PTPRJ: variants seen among roughly 807,000 people sequenced by gnomAD.
The protein encoded by PTPRJ is receptor-type tyrosine-protein phosphatase eta.
In PTPRJ, 129 loss-of-function variants were observed where a neutral mutation model predicts 141.3. The ratio of observed to expected loss-of-function variants is 0.91; its 90% CI spans 0.79 to 1.06. The LOEUF (loss-of-function observed/expected upper bound fraction) is 1.06, where lower values mean the gene tolerates loss of function less well. PTPRJ is among the 50% of genes least tolerant of loss of function. PTPRJ has a pLI of 0.00. For missense variants in PTPRJ, 1,601 were observed against 1,679.7 expected (o/e 0.95, Z 0.82); for synonymous variants, 610 against 640.5 (o/e 0.95, Z 0.72).
At chr11:48,093,951 C>G (rs1855937469) in intron 1 of PTPRJ, among the ~76,000 whole-genome samples, 2 of 152,196 alleles carry the variant, frequency 1.3e-5, no homozygotes, top group Non-Finnish European at 2.9e-5. Context: ...TTGGAGAAAG[C>G]CCAGCATTAA....
At chr11:48,086,854 TCA>T (rs1855728060) in intron 1 of PTPRJ, among the ~76,000 whole-genome samples, 1 of 152,198 alleles carries the variant, frequency 6.6e-6, no homozygotes, top group South Asian at 2.1e-4. Flanking sequence ...TGAAATATGT[TCA>T]GTCTGTTTTT....
chr11:48,060,509 C>T (rs1590453186), intron 1 of PTPRJ, among the ~76,000 whole-genome samples: 2 of 152,194 alleles, frequency 1.3e-5, no homozygotes, highest in South Asian at 2.1e-4. Flanking sequence ...TCTACCCACA[C>T]GCACAGTTGG....
chr11:48,053,674 T>C (rs1854669642), intron 1 of PTPRJ, among the ~76,000 whole-genome samples: 1 of 148,232 alleles, frequency 6.7e-6, no homozygotes, highest in African/African-American at 2.5e-5. Flanking sequence ...CCTCCCAGGT[T>C]CAAGCGCTTC....
At chr11:48,015,239 C>T (rs1177317049) in intron 1 of PTPRJ, among the ~76,000 whole-genome samples, 1 of 151,884 alleles carries the variant, frequency 6.6e-6, no homozygotes, top group Non-Finnish European at 1.5e-5. Context: ...CTGAATCAGG[C>T]CGGGAAAGAG....
intron 1 of PTPRJ, among the ~76,000 whole-genome samples, chr11:48,000,813 A>G (rs2134189638): frequency 6.6e-6 from 1 of 151,900 alleles, no homozygotes; most frequent in South Asian, 2.1e-4. Flanking sequence ...CTCTTGGATT[A>G]TGAGTTCAGG....
chr11:48,166,065 A>T (rs939403714), intron 24 of PTPRJ, among the ~76,000 whole-genome samples: 1 of 151,268 alleles, frequency 6.6e-6, no homozygotes, highest in South Asian at 2.1e-4. Flanking sequence ...GGGTTTCACC[A>T]TGTTGGCCAG....
At chr11:48,000,587 C>T (rs368235841) in intron 1 of PTPRJ, among the ~76,000 whole-genome samples, 6 of 152,204 alleles carry the variant, frequency 3.9e-5, no homozygotes, top group Middle Eastern at 3.4e-3. Context: ...TCCCTCCCCT[C>T]CACCCTCCGA....
Position 47,980,600 on chromosome 11 carries a change from C to G in PTPRJ, c.-313C>G, listed in dbSNP as rs2135452263. The G allele has an allele frequency of 1.0e-6, 1 of 983,312 alleles. No individual in the cohort carries two copies. The highest frequency in any genetic ancestry group is 6.2e-5 in the Admixed American group (1 of 16,072). 60.9% of individuals were successfully genotyped at this position (983,312 alleles called of 1,614,324 possible). A position where few individuals can be genotyped will look rare whatever the true frequency, so the allele number is the denominator to read the frequency against. The stretch of plus-strand genomic sequence containing the variant: ...CGCGCGGAGGAGGCAGCGGGAGCAG[C>G]CGCGGGAGCCGGGACCGGGTAGCCG... On this transcript the variant is annotated 5_prime_UTR_variant, in exon 1 of 25. Coordinates refer to ENST00000418331, the MANE Select transcript of PTPRJ (RefSeq NM_002843.4).
Position 48,139,721 on chromosome 11 carries a change from G to A in PTPRJ, c.2388G>A (p.Val796=). Residue 796 remains valine, a synonymous_variant, in exon 11 of 25, where the codon GTG becomes GTA. Coordinates refer to ENST00000418331, the MANE Select transcript of PTPRJ (RefSeq NM_002843.4). ...CGTACAACATCAGCATCACCACTGTGTCCTGTGGAAAGATGGCAGCCCCCA... is the reference window on the plus strand; with the variant it reads ...CGTACAACATCAGCATCACCACTGTATCCTGTGGAAAGATGGCAGCCCCCA... The part of the protein sequence containing the change: ...STSYNISITT[V]SCGKMAAPTR... 1.9e-6 allele frequency: 3 copies of A among 1,614,162 alleles called. No individual in the cohort carries two copies. Among genetic ancestry groups the A allele is most frequent in the Non-Finnish European group, 2.5e-6 (3 of 1,180,026 alleles).
chr11:48,145,180 C>T, intron 14 of PTPRJ, 56 bp downstream of exon 14: 1 of 1,607,714 alleles, frequency 6.2e-7, no homozygotes, highest in Non-Finnish European at 8.5e-7. Flanking sequence ...CTCCACGTGT[C>T]CATAGAAGGC....
chr11:48,116,153 C>T (rs1856562126), intron 3 of PTPRJ, among the ~76,000 whole-genome samples: 1 of 151,562 alleles, frequency 6.6e-6, no homozygotes, highest in South Asian at 2.1e-4. Context: ...AAACCGATCT[C>T]AATAGTATGC....
chr11:48,030,055 T>G (rs1853938154), intron 1 of PTPRJ, among the ~76,000 whole-genome samples: 1 of 152,218 alleles, frequency 6.6e-6, no homozygotes, highest in Non-Finnish European at 1.5e-5. Context: ...GTGATAGAGA[T>G]AGTATAAGAA....
At chr11:48,078,026 T>C (rs996062191) in intron 1 of PTPRJ, among the ~76,000 whole-genome samples, 10 of 151,936 alleles carry the variant, frequency 6.6e-5, no homozygotes, top group Non-Finnish European at 4.4e-5. Flanking sequence ...CTGGGACAAA[T>C]AGCTAAAGAT....
chr11:48,087,600 C>T (rs929076406), intron 1 of PTPRJ, among the ~76,000 whole-genome samples: 1 of 152,152 alleles, frequency 6.6e-6, no homozygotes, highest in African/African-American at 2.4e-5. Context: ...TCAGAGAAGA[C>T]ATGTGAGTTG....
chr11:48,159,888 G>T (rs372697015), intron 21 of PTPRJ, 42 bp from the exon 22 acceptor site: 26 of 1,609,444 alleles, frequency 1.6e-5, no homozygotes, highest in Non-Finnish European at 2.0e-5. Flanking sequence ...ATGGCAGATG[G>T]CATGATCTGA....
chr11:48,046,908 ATATATTTTTTTTTT>A (rs1178027479), intron 1 of PTPRJ, among the ~76,000 whole-genome samples: 1 of 85,910 alleles, frequency 1.2e-5, no homozygotes, highest in East Asian at 2.7e-4. Flanking sequence ...ATATATATAT[ATATATTTTTTTTTT>A]TTTTTTTTTT....
At chr11:48,060,826 C>T (rs558195468) in intron 1 of PTPRJ, among the ~76,000 whole-genome samples, 10 of 152,296 alleles carry the variant, frequency 6.6e-5, no homozygotes, top group African/African-American at 1.9e-4. Flanking sequence ...TCTGAAGGGG[C>T]TGAGATTTGT....
At chr11:48,103,004 T>C (rs528051449) in intron 1 of PTPRJ, among the ~76,000 whole-genome samples, 3 of 152,272 alleles carry the variant, frequency 2.0e-5, no homozygotes, top group African/African-American at 7.2e-5. Context: ...TGCTAGACCA[T>C]TCTGGGACTT....
Position 48,160,001 on chromosome 11 carries a change from A to G in PTPRJ, c.3510A>G (p.Ser1170=). 4.3e-6 allele frequency: 7 copies of G among 1,614,038 alleles called. No homozygotes were observed. The highest frequency in any genetic ancestry group is 5.1e-6 in the Non-Finnish European group (6 of 1,179,894). ...DYGDITVAMT[S]EIVLPEWTIR... ...GAGACATAACTGTGGCAATGACATCAGAAATTGTTCTTCCGGAATGGACCA... is the reference window on the plus strand; with the variant it reads ...GAGACATAACTGTGGCAATGACATCGGAAATTGTTCTTCCGGAATGGACCA... Residue 1170 remains serine (S), a synonymous_variant, in exon 22 of 25, where the codon TCA becomes TCG. Coordinates refer to ENST00000418331, the MANE Select transcript of PTPRJ (RefSeq NM_002843.4).
Sources: allele counts gnomAD v4.1 joint callset (sites outside exome capture counted in the v4.1 genomes callset), GRCh38; gene constraint gnomAD v4.1.1; transcripts MANE v1.5; gene names NCBI Gene and HGNC (gene_info 2026-07-23, HGNC 2026-07-21).